NIPBL: variants seen among roughly 807,000 people sequenced by gnomAD.
The protein encoded by NIPBL is NIPBL cohesin loading factor, also known as nipped-B-like protein.
In NIPBL, 19 loss-of-function variants were observed where a neutral mutation model predicts 321.8. The ratio of observed to expected loss-of-function variants is 0.06; its 90% CI spans 0.04 to 0.09. NIPBL has a LOEUF of 0.09. NIPBL is among the 10% of genes least tolerant of loss of function. The pLI, the probability that NIPBL is intolerant of heterozygous loss-of-function variation, is 1.00. For missense variants in NIPBL, 2,210 were observed against 3,327.0 expected (o/e 0.66, Z 8.26); for synonymous variants, 1,106 against 1,114.1 (o/e 0.99, Z 0.14).
intron 1 of NIPBL, among the ~76,000 whole-genome samples, chr5:36,913,179 A>G (rs1244688455): frequency 6.6e-6 from 1 of 152,202 alleles, no homozygotes; most frequent in Non-Finnish European, 1.5e-5. Flanking sequence ...TTTAGATAAT[A>G]GTAACAATGT....
At chr5:36,961,846 G>T (rs867055796) in intron 5 of NIPBL, among the ~76,000 whole-genome samples, 1 of 152,140 alleles carries the variant, frequency 6.6e-6, no homozygotes, top group Non-Finnish European at 1.5e-5. Flanking sequence ...GAGATAAGAA[G>T]ATTTACGGAG....
chr5:36,995,534 C>T, intron 10 of NIPBL, 88 bp from the exon 11 acceptor site: 1 of 832,354 alleles, frequency 1.2e-6, no homozygotes, highest in South Asian at 1.5e-5. Context: ...AAAACAAATA[C>T]TAATATTTTT....
intron 1 of NIPBL, among the ~76,000 whole-genome samples, chr5:36,878,974 G>C (rs114053284): frequency 0.014 from 2,029 of 148,868 alleles, 52 homozygotes; most frequent in African/African-American, 0.048. Context: ...TACTGCGGGT[G>C]GGGGGGTGTG....
At chr5:36,940,102 A>G (rs1056715350) in intron 1 of NIPBL, among the ~76,000 whole-genome samples, 6 of 152,164 alleles carry the variant, frequency 3.9e-5, no homozygotes, top group East Asian at 3.8e-4. Context: ...TTCTGAGGCA[A>G]TTGTTTTCAT....
At position 36,985,953 on chromosome 5, in the gene NIPBL, A is replaced by G; in HGVS notation, c.2773A>G (p.Lys925Glu). ...AGATGACAAAAGGACAGAGGGTAAC[A>G]AGAGTAAAGTAGACACTAATAAAGC... is the stretch of plus-strand genomic sequence containing the variant. ...SKDDKRTEGN[K>E]SKVDTNKAHP... Residue 925 changes from lysine (K) to glutamate (E), a missense_variant, in exon 10 of 47, where the codon AAG (lysine) becomes GAG (glutamate). By Grantham distance (56) the Lys-to-Glu change is moderately conservative (BLOSUM62 1). Around this residue, in one of 14 missense-constraint regions of NIPBL, gnomAD observed 588 missense variants for 564.1 expected, o/e 1.04. Transcript: ENST00000282516. The G allele has an allele frequency of 6.2e-7, 1 of 1,614,008 alleles. No homozygotes were observed. Among genetic ancestry groups the G allele is most frequent in the Middle Eastern group, 1.7e-4 (1 of 6,060 alleles).
chr5:37,043,771 G>C (rs1200266638), intron 34 of NIPBL, among the ~76,000 whole-genome samples: 3 of 152,090 alleles, frequency 2.0e-5, no homozygotes, highest in Admixed American at 1.3e-4. Flanking sequence ...TTTAACACAG[G>C]GTTTCTCAAC....
intron 21 of NIPBL, among the ~76,000 whole-genome samples, chr5:37,012,879 A>C (rs1304941966): frequency 3.3e-5 from 5 of 152,200 alleles, no homozygotes; most frequent in Non-Finnish European, 7.3e-5. Flanking sequence ...CTACACAGAC[A>C]CGGCAACCAT....
At chr5:36,889,392 T>C (rs771455478) in intron 1 of NIPBL, among the ~76,000 whole-genome samples, 6 of 152,112 alleles carry the variant, frequency 3.9e-5, no homozygotes, top group Non-Finnish European at 8.8e-5. Context: ...GGGGCTAAAA[T>C]GATCTGCATA....
Position 37,063,860 on chromosome 5 carries a change from A to G in NIPBL, c.7931A>G (p.Asn2644Ser), listed in dbSNP as rs1455077744. The change falls in exon 46 of 47, where the codon AAT becomes AGT. Residue 2644 changes from asparagine (N) to serine (S), a missense_variant. Asn to Ser is a conservative substitution (Grantham distance 46, BLOSUM62 1). Coordinates refer to ENST00000282516, the MANE Select transcript of NIPBL (RefSeq NM_133433.4). Reference protein sequence around the residue: ...EEEGEVSASTNARNKAITSLL... With the variant: ...EEEGEVSASTSARNKAITSLL... ...GAAGGGGAGGTTTCAGCTAGCACAA[A>G]TGCTCGGAACAAAGCAATTACCTCA... 1.9e-6 allele frequency: 3 copies of G among 1,613,988 alleles called. No individual in the cohort carries two copies. The highest frequency in any genetic ancestry group is 2.7e-5 in the African/African-American group (2 of 74,934).
intron 45 of NIPBL, among the ~76,000 whole-genome samples, chr5:37,063,066 A>AATTTCAGG (rs1473052525): frequency 6.6e-6 from 1 of 152,090 alleles, no homozygotes; most frequent in Non-Finnish European, 1.5e-5. Context: ...TAATCTACTT[A>AATTTCAGG]ATTTCAGGTG....
chr5:36,878,236 A>G (rs1244219175), intron 1 of NIPBL, among the ~76,000 whole-genome samples: 1 of 152,238 alleles, frequency 6.6e-6, no homozygotes, highest in African/African-American at 2.4e-5. Flanking sequence ...TTGAGGTCCC[A>G]GGATTGTCAT....
intron 30 of NIPBL, among the ~76,000 whole-genome samples, chr5:37,025,339 T>C (rs1043220445): frequency 6.6e-6 from 1 of 152,222 alleles, no homozygotes. Context: ...GGGATTATTT[T>C]AATTTTCAAA....
chr5:36,903,201 T>C (rs1747369074), intron 1 of NIPBL, among the ~76,000 whole-genome samples: 1 of 152,190 alleles, frequency 6.6e-6, no homozygotes, highest in Non-Finnish European at 1.5e-5. Flanking sequence ...ATAGGATCAT[T>C]ATCATCTATG....
chr5:36,895,738 T>C (rs1395637693), intron 1 of NIPBL, among the ~76,000 whole-genome samples: 1 of 152,226 alleles, frequency 6.6e-6, no homozygotes, highest in South Asian at 2.1e-4. Flanking sequence ...TATGTGCTTA[T>C]TGGTCATTTG....
At chr5:36,891,371 TATG>T (rs1359572190) in intron 1 of NIPBL, among the ~76,000 whole-genome samples, 3 of 152,226 alleles carry the variant, frequency 2.0e-5, no homozygotes, top group African/African-American at 7.2e-5. Context: ...ATCTAAGTGC[TATG>T]ATCAAGATAA....
At chr5:36,878,887 C>A (rs767727607) in intron 1 of NIPBL, among the ~76,000 whole-genome samples, 2 of 152,026 alleles carry the variant, frequency 1.3e-5, no homozygotes, top group African/African-American at 2.4e-5. Flanking sequence ...CGGCCTCCCT[C>A]CCTCCCACTA....
Position 37,016,122 on chromosome 5 carries a change from T to C in NIPBL, c.4728T>C (p.Pro1576=). 3 of 1,613,936 alleles carry C rather than the reference T, an allele frequency of 1.9e-6. No homozygotes were observed. The highest frequency in any genetic ancestry group is 2.5e-6 in the Non-Finnish European group (3 of 1,179,890). Residue 1576 remains proline, a synonymous_variant, in exon 23 of 47, where the codon CCT becomes CCC. Transcript: ENST00000282516. ...VQDLLSTVNK[P]EWPAAELLLS... is the part of the protein sequence containing the mutation. ...ACCTTCTTTCAACAGTCAATAAGCC[T>C]GAATGGCCAGCTGCTGAACTACTCC...
intron 1 of NIPBL, among the ~76,000 whole-genome samples, chr5:36,938,873 C>T (rs1055827958): frequency 7.9e-5 from 12 of 152,058 alleles, no homozygotes; most frequent in African/African-American, 2.4e-4. Context: ...CTGTTGTGTG[C>T]GTGTACAGCA....
chr5:37,036,983 T>C (rs1046779683), intron 33 of NIPBL, among the ~76,000 whole-genome samples: 1 of 152,100 alleles, frequency 6.6e-6, no homozygotes, highest in Non-Finnish European at 1.5e-5. Context: ...TATTAAAATG[T>C]TTAAAATCAC....
Sources: allele counts gnomAD v4.1 joint callset (sites outside exome capture counted in the v4.1 genomes callset), GRCh38; gene constraint gnomAD v4.1.1; regional missense constraint gnomAD v4.1.1; transcripts MANE v1.5; gene names NCBI Gene and HGNC (gene_info 2026-07-23, HGNC 2026-07-21).